POU6F2: variants seen among roughly 807,000 people sequenced by gnomAD.
POU6F2 encodes POU class 6 homeobox 2, also known as POU domain, class 6, transcription factor 2.
POU6F2 carries 31 observed loss-of-function variants against 71.3 expected under a neutral mutation model. The observed-to-expected ratio is 0.43, with a 90% CI of 0.33 to 0.59. POU6F2 has a LOEUF of 0.59. Among genes scored for constraint, POU6F2 ranks in the 20% least tolerant of loss-of-function variants. The pLI is 0.04. For synonymous variants in POU6F2, 347 were observed against 355.7 expected (o/e 0.98, Z 0.27); for missense variants, 783 against 856.8 (o/e 0.91, Z 1.07).
chr7:39,104,102 T>G (rs777515138), intron 2 of POU6F2, among the ~76,000 whole-genome samples: 12 of 152,336 alleles, frequency 7.9e-5, no homozygotes, highest in Middle Eastern at 3.4e-3. Context: ...TCCCCCTGCT[T>G]AGCCTGAGAC....
chr7:39,386,859 A>G (rs1786955241), intron 5 of POU6F2, among the ~76,000 whole-genome samples: 2 of 152,216 alleles, frequency 1.3e-5, no homozygotes, highest in African/African-American at 2.4e-5. Context: ...TTAAATACAC[A>G]GCCGGCAAGC....
intron 2 of POU6F2, among the ~76,000 whole-genome samples, chr7:39,146,631 C>T (rs541692520): frequency 1.3e-5 from 2 of 152,302 alleles, no homozygotes; most frequent in African/African-American, 4.8e-5. Context: ...AGATGTAGCT[C>T]AGCCTGAGTT....
chr7:39,437,491 G>A (rs10242580), intron 7 of POU6F2, among the ~76,000 whole-genome samples: 51,163 of 151,890 alleles, frequency 0.34, 9,621 homozygotes, highest in East Asian at 0.58. Flanking sequence ...TTTTTATTGT[G>A]TCTGTTTGAT....
At chr7:39,208,959 G>C (rs547010285) in intron 4 of POU6F2, among the ~76,000 whole-genome samples, 1 of 152,072 alleles carries the variant, frequency 6.6e-6, no homozygotes, top group South Asian at 2.1e-4. Flanking sequence ...TGTGCTTATG[G>C]GAATATTGAA....
At chr7:39,415,807 A>G (rs1015149995) in intron 6 of POU6F2, among the ~76,000 whole-genome samples, 1 of 152,216 alleles carries the variant, frequency 6.6e-6, no homozygotes, top group South Asian at 2.1e-4. Flanking sequence ...AGAGCAGTTC[A>G]TGGTAGGTTT....
At chr7:39,463,868 T>C (rs754801117) in intron 9 of POU6F2, among the ~76,000 whole-genome samples, 1 of 152,212 alleles carries the variant, frequency 6.6e-6, no homozygotes, top group Non-Finnish European at 1.5e-5. Context: ...ACTATTCAAA[T>C]AAATGCTTAG....
chr7:38,984,528 G>A (rs1388915870), intron 1 of POU6F2: 2 of 152,108 alleles, frequency 1.3e-5, no homozygotes, highest in East Asian at 3.9e-4. Context: ...ATCTCACCTA[G>A]CAATTCAAAT....
intron 6 of POU6F2, among the ~76,000 whole-genome samples, chr7:39,412,552 G>A (rs977154287): frequency 1.3e-4 from 20 of 152,040 alleles, no homozygotes; most frequent in Admixed American, 6.6e-4. Context: ...AGAAATATGT[G>A]TAATTCTGAC....
At chr7:39,271,496 A>G (rs1784337967) in intron 4 of POU6F2, among the ~76,000 whole-genome samples, 1 of 6,550 alleles carries the variant, frequency 1.5e-4, no homozygotes, top group African/African-American at 3.4e-4. Flanking sequence ...CAATCAGTGA[A>G]AAAAAAAAAA....
rs145045087 is a variant in POU6F2, at chr7:39,331,806, C to T, written c.599-7836C>T. On this transcript the variant is annotated intron_variant, in intron 4 of 9. Transcript: ENST00000518318. ...GATTACAGGCGTGAGCCACCGCGCC[C>T]GGCCTCGCTGTGGTTTTGAAAGGCA... Among the ~76,000 whole-genome samples the T allele has an allele frequency of 2.4e-4, 37 of 152,336 alleles. No homozygotes were observed. In the East Asian group the frequency reaches 4.4e-3, roughly 18 times the overall value.
chr7:39,029,637 A>G (rs1011660645), intron 1 of POU6F2, among the ~76,000 whole-genome samples: 1 of 132,224 alleles, frequency 7.6e-6, no homozygotes, highest in African/African-American at 2.6e-5. Context: ...AATGTATACA[A>G]ATAAAAAGAA....
chr7:39,453,797 A>G (rs543623006), intron 8 of POU6F2, among the ~76,000 whole-genome samples: 2 of 152,330 alleles, frequency 1.3e-5, no homozygotes, highest in East Asian at 3.9e-4. Context: ...CCTCGGTATG[A>G]AATATATAGA....
chr7:39,284,267 G>C (rs546128460), intron 4 of POU6F2, among the ~76,000 whole-genome samples: 2 of 152,192 alleles, frequency 1.3e-5, no homozygotes, highest in Non-Finnish European at 2.9e-5. Context: ...CATGTTTGTA[G>C]CCCAAAGTCT....
chr7:38,999,726 T>A (rs1355388594), intron 1 of POU6F2, among the ~76,000 whole-genome samples: 1 of 152,220 alleles, frequency 6.6e-6, no homozygotes, highest in Non-Finnish European at 1.5e-5. Flanking sequence ...ATGACAATGC[T>A]GTGCTTAATA....
chr7:39,113,752 T>C (rs1302630047), intron 2 of POU6F2, among the ~76,000 whole-genome samples: 1 of 152,172 alleles, frequency 6.6e-6, no homozygotes, highest in Non-Finnish European at 1.5e-5. Context: ...TTCCACAAAA[T>C]CTACCCTGGA....
Position 39,411,604 on chromosome 7 carries a change from G to C in POU6F2, c.1113+4864G>C, listed in dbSNP as rs141485152. Among the ~76,000 whole-genome samples, 350 of 152,318 alleles carry C rather than the reference G, an allele frequency of 2.3e-3. 2 individuals carry two copies. The highest frequency in any genetic ancestry group is 8.0e-3 in the African/African-American group (332 of 41,578). ...AAGGAAAAGTAAAGAGACTTACCTA[G>C]TCAGGTTACTCAAGAACGCACATAC... On this transcript the variant is annotated intron_variant, in intron 6 of 9. Transcript: ENST00000518318.
chr7:39,447,328 C>G (rs1788548595), intron 7 of POU6F2, among the ~76,000 whole-genome samples: 1 of 152,190 alleles, frequency 6.6e-6, no homozygotes, highest in South Asian at 2.1e-4. Flanking sequence ...GAACATACCT[C>G]ATTTGTTCCC....
At chr7:39,373,764 A>G (rs1294142680) in intron 5 of POU6F2, 2 of 316,106 alleles carry the variant, frequency 6.3e-6, no homozygotes, top group Non-Finnish European at 1.3e-5. Flanking sequence ...CCAAAAATCA[A>G]GGTGTTGAGA....
Position 39,451,682 on chromosome 7 carries a change from C to T in POU6F2, c.1470C>T (p.Ser490=), listed in dbSNP as rs774072086. 4.4e-6 allele frequency: 7 copies of T among 1,599,478 alleles called. No individual in the cohort carries two copies. The Admixed American group carries it at 5.2e-5, about 12-fold the overall frequency. The change falls in exon 8 of 10, where the codon AGC becomes AGT. Residue 490 remains serine, a synonymous_variant. Coordinates refer to ENST00000518318, the MANE Select transcript of POU6F2 (RefSeq NM_001370959.1). ...SSSSSSSSAL[S]VGQLVSNPQT... is the part of the protein sequence containing the mutation. ...CATCCTCCTCTTCTTCAGCTTTGAG[C>T]GTGGGCCAGTTAGTCAGCAGTAAGT... is the stretch of plus-strand genomic sequence containing the variant.
Sources: allele counts gnomAD v4.1 joint callset (sites outside exome capture counted in the v4.1 genomes callset), GRCh38; gene constraint gnomAD v4.1.1; transcripts MANE v1.5; gene names NCBI Gene and HGNC (gene_info 2026-07-23, HGNC 2026-07-21).